Variants in TMEM87A observed in about 807,000 individuals in gnomAD.
The protein encoded by TMEM87A is Golgi-pH regulating cation channel.
A neutral mutation model predicts 90.0 loss-of-function variants in TMEM87A; 50 were observed. That is an observed-to-expected ratio of 0.56 (90% confidence interval 0.44 to 0.70). The LOEUF (loss-of-function observed/expected upper bound fraction) is 0.70. TMEM87A is among the 30% of genes least tolerant of loss of function. TMEM87A has a pLI of 0.00. For missense variants in TMEM87A, 577 were observed against 660.5 expected (o/e 0.87, Z 1.39); for synonymous variants, 226 against 226.7 (o/e 1.00, Z 0.03).
At chr15:42,250,854 C>T (rs2051071639) in intron 6 of TMEM87A, among the ~76,000 whole-genome samples, 1 of 152,176 alleles carries the variant, frequency 6.6e-6, no homozygotes, top group Non-Finnish European at 1.5e-5. Context: ...GTTCCATTCT[C>T]CCCATCACTT....
At chr15:42,249,612 T>C (rs767617529) in intron 6 of TMEM87A, among the ~76,000 whole-genome samples, 2 of 152,250 alleles carry the variant, frequency 1.3e-5, no homozygotes, top group Non-Finnish European at 2.9e-5. Context: ...TTCTTAATCT[T>C]GAGTTCTAAT....
At chr15:42,217,957 G>C in intron 18 of TMEM87A, 124 bp from the exon 19 acceptor site, 1 of 879,976 alleles carries the variant, frequency 1.1e-6, no homozygotes, top group Non-Finnish European at 1.7e-6. Flanking sequence ...TTTATTAATG[G>C]CCCTTTTAGG....
chr15:42,226,004 G>T (rs1376698059), intron 15 of TMEM87A, among the ~76,000 whole-genome samples: 1 of 151,966 alleles, frequency 6.6e-6, no homozygotes, highest in Non-Finnish European at 1.5e-5. Context: ...CACTTTGTGT[G>T]TCAGCATTTT....
At chr15:42,231,665 T>C (rs2050688235) in intron 11 of TMEM87A, among the ~76,000 whole-genome samples, 1 of 152,174 alleles carries the variant, frequency 6.6e-6, no homozygotes, top group Non-Finnish European at 1.5e-5. Context: ...CTGCATCATA[T>C]ACAAAGAATT....
In TMEM87A at chr15:42,257,901, T is replaced by C. The variant is rs187663928; in HGVS notation, c.504+3057A>G. ...GATCTTATTTTGGTTAATATGCATG[T>C]GCTCTGTGTAATCACACCAAACTGC... On this transcript the variant is annotated intron_variant, in intron 6 of 19. Coordinates refer to ENST00000389834, the MANE Select transcript of TMEM87A (RefSeq NM_015497.5). 83 of 983,994 alleles carry C rather than the reference T, an allele frequency of 8.4e-5. No homozygotes were observed. In the African/African-American group the frequency reaches 1.4e-3, roughly 17 times the overall value. The allele number at this position is 983,994 out of a possible 1,614,324, so 61.0% of individuals were successfully genotyped here. A position where few individuals can be genotyped will look rare whatever the true frequency, so the allele number is the denominator to read the frequency against.
chr15:42,224,184 C>T (rs2050547994), intron 15 of TMEM87A, among the ~76,000 whole-genome samples: 1 of 152,132 alleles, frequency 6.6e-6, no homozygotes, highest in African/African-American at 2.4e-5. Flanking sequence ...GCTCTGACCT[C>T]CAGAGGAAAT....
intron 15 of TMEM87A, chr15:42,226,571 T>A: frequency 2.3e-6 from 1 of 439,154 alleles, no homozygotes; most frequent in Non-Finnish European, 4.1e-6. Flanking sequence ...TGTTGCTGGG[T>A]TTAATTCCCC....
chr15:42,233,366 G>GT, intron 10 of TMEM87A, 60 bp from the exon 11 acceptor site: 2 of 1,291,808 alleles, frequency 1.5e-6, no homozygotes, highest in African/African-American at 2.9e-5. Flanking sequence ...AACAAGCTAA[G>GT]TAACAGGAAC....
intron 3 of TMEM87A, 50 bp from the exon 4 acceptor site, chr15:42,264,253 G>T (rs1566941614): frequency 4.7e-6 from 6 of 1,267,398 alleles, no homozygotes; most frequent in Non-Finnish European, 5.7e-6. Flanking sequence ...CAAAAAATAA[G>T]ATACTAAGAG....
intron 7 of TMEM87A, 101 bp from the exon 8 acceptor site, chr15:42,239,832 G>T (rs1360947021): frequency 2.0e-6 from 2 of 1,014,578 alleles, no homozygotes; most frequent in East Asian, 4.8e-5. Flanking sequence ...ATTTCATTGG[G>T]TCATTTACTT....
intron 3 of TMEM87A, among the ~76,000 whole-genome samples, chr15:42,265,062 C>T (rs369087551): frequency 1.3e-5 from 2 of 152,176 alleles, no homozygotes; most frequent in South Asian, 2.1e-4. Context: ...ATATGTATCA[C>T]ATTCTTTTTT....
intron 7 of TMEM87A, among the ~76,000 whole-genome samples, chr15:42,241,945 C>T (rs12442769): frequency 0.94 from 142,915 of 151,986 alleles, 67,590 homozygotes; most frequent in Non-Finnish European, 1. Context: ...TGCAGGCCAG[C>T]AATCCCAGCT....
rs546606427 is a variant in TMEM87A, at chr15:42,264,138, T to C, written c.357A>G (p.Gln119=). 9.9e-6 allele frequency: 16 copies of C among 1,613,872 alleles called. No individual in the cohort carries two copies. Among genetic ancestry groups the C allele is most frequent in the South Asian group, 7.7e-5 (7 of 91,066 alleles). Residue 119 remains glutamine (Q), a synonymous_variant, in exon 4 of 20, where the codon CAA becomes CAG. Transcript: ENST00000389834. ...KEKRGLSGKY[Q]TSSKLFQNCS... is the part of the protein sequence containing the mutation. ...AGTTCTGGAACAATTTTGATGATGT[T>C]TGATATTTCCCAGACAAGCCTCTTT...
intron 3 of TMEM87A, among the ~76,000 whole-genome samples, chr15:42,265,942 C>T (rs948646195): frequency 2.6e-5 from 4 of 152,160 alleles, no homozygotes; most frequent in African/African-American, 9.7e-5. Context: ...CAGCACGCTA[C>T]CGCAACACTA....
At chr15:42,248,652 A>G (rs1055586649) in intron 6 of TMEM87A, among the ~76,000 whole-genome samples, 20 of 152,166 alleles carry the variant, frequency 1.3e-4, no homozygotes, top group Non-Finnish European at 1.5e-5. Flanking sequence ...CTTGGTGGAC[A>G]TGCTTTTTGA....
chr15:42,212,733 A>G (rs1313663492), intron 19 of TMEM87A, among the ~76,000 whole-genome samples: 1 of 152,200 alleles, frequency 6.6e-6, no homozygotes, highest in Non-Finnish European at 1.5e-5. Flanking sequence ...TGAGTACAGA[A>G]TTCTAGGTTG....
chr15:42,217,887 G>C (rs2050409080), intron 18 of TMEM87A, 54 bp from the exon 19 acceptor site: 1 of 1,544,654 alleles, frequency 6.5e-7, no homozygotes, highest in Non-Finnish European at 8.8e-7. Flanking sequence ...GCCATAAATG[G>C]TTCATAAAAG....
chr15:42,257,021 C>T (rs1354060449), intron 6 of TMEM87A, among the ~76,000 whole-genome samples: 16 of 152,218 alleles, frequency 1.1e-4, no homozygotes, highest in East Asian at 1.9e-4. Context: ...CCTGGCTTAA[C>T]GATAACTTTT....
chr15:42,249,314 C>A (rs2051040667), intron 6 of TMEM87A, among the ~76,000 whole-genome samples: 1 of 152,134 alleles, frequency 6.6e-6, no homozygotes, highest in Non-Finnish European at 1.5e-5. Flanking sequence ...TATTTCTTGT[C>A]TTCTAGTAGC....
Sources: allele counts gnomAD v4.1 joint callset (sites outside exome capture counted in the v4.1 genomes callset), GRCh38; gene constraint gnomAD v4.1.1; transcripts MANE v1.5; gene names NCBI Gene and HGNC (gene_info 2026-07-23, HGNC 2026-07-21).